The following JAG1 variants were observed in gnomAD, a reference collection of about 807,000 sequenced individuals.
The protein encoded by JAG1 is jagged canonical Notch ligand 1.
Under a neutral mutation model 148.7 loss-of-function variants are expected in JAG1, and 23 were observed. That is an observed-to-expected ratio of 0.15 (90% CI 0.11 to 0.22). The LOEUF (loss-of-function observed/expected upper bound fraction) is 0.22, where lower values mean the gene tolerates loss of function less well. JAG1 is among the 10% of genes least tolerant of loss of function. The pLI, the probability that JAG1 is intolerant of heterozygous loss-of-function variation, is 1.00. For missense variants in JAG1, 1,054 were observed against 1,611.2 expected (o/e 0.65, Z 5.92); for synonymous variants, 572 against 598.3 (o/e 0.96, Z 0.64).
chr20:10,671,816 G>A (rs1278398681), intron 2 of JAG1, among the ~76,000 whole-genome samples: 1 of 152,178 alleles, frequency 6.6e-6, no homozygotes, highest in African/African-American at 2.4e-5. Flanking sequence ...CTGCCAGCTG[G>A]GCCCGGGCCT....
At chr20:10,658,858 GT>G in intron 3 of JAG1, 136 bp from the exon 4 acceptor site, 1 of 924,322 alleles carries the variant, frequency 1.1e-6, no homozygotes, top group Non-Finnish European at 1.7e-6. Flanking sequence ...GAAATGAAAA[GT>G]TTATGCCCCT....
At chr20:10,644,139 A>T (rs1013781677) in intron 19 of JAG1, among the ~76,000 whole-genome samples, 1 of 152,192 alleles carries the variant, frequency 6.6e-6, no homozygotes, top group Non-Finnish European at 1.5e-5. Context: ...ATGAGGACAC[A>T]ACCTGGCTAA....
At chr20:10,668,739 C>G (rs1006220160) in intron 2 of JAG1, among the ~76,000 whole-genome samples, 1 of 151,916 alleles carries the variant, frequency 6.6e-6, no homozygotes, top group African/African-American at 2.4e-5. Flanking sequence ...AAAAGGTCCC[C>G]AAAGGCACCA....
intron 2 of JAG1, among the ~76,000 whole-genome samples, chr20:10,667,660 C>T (rs1175627746): frequency 6.6e-6 from 1 of 152,032 alleles, no homozygotes; most frequent in Admixed American, 6.5e-5. Context: ...CTTGACATGT[C>T]AATAGAGTCC....
chr20:10,659,129 T>G (rs146806417), intron 3 of JAG1, among the ~76,000 whole-genome samples: 150 of 152,328 alleles, frequency 9.8e-4, no homozygotes, highest in African/African-American at 3.4e-3. Context: ...CTGTCCACAG[T>G]CTCAAACTAC....
chr20:10,648,730 AGG>A lies in JAG1; in HGVS notation c.1396-10_1396-9del. The stretch of plus-strand genomic sequence containing the variant: ...ATAACCATTAACCAAATCCTAGAAG[AGG>A]AGAAGGGGAGAGAGAGACACATGCT... On this transcript the variant is annotated splice_polypyrimidine_tract_variant and intron_variant, in intron 11 of 25. Transcript: ENST00000254958. 1 of 1,613,842 alleles carries A rather than the reference AGG, an allele frequency of 6.2e-7. No individual in the cohort carries two copies. Among genetic ancestry groups the A allele is most frequent in the Non-Finnish European group, 8.5e-7 (1 of 1,179,690 alleles).
chr20:10,645,340 G>T lies in JAG1; in HGVS notation c.2113+16C>A, dbSNP rs2067301201. On this transcript the variant is annotated intron_variant, in intron 16 of 25. Coordinates refer to ENST00000254958, the MANE Select transcript of JAG1 (RefSeq NM_000214.3). This position sits in a 1 kb window ranked among gnomAD's most constrained non-coding sequence, Gnocchi z 6.1. Reference sequence around the variant, plus strand: ...AAGGGTCCCAGAGATAGCATCCAAGGCCAACTACCACTTACGTGAGTGGCA... The same window carrying T: ...AAGGGTCCCAGAGATAGCATCCAAGTCCAACTACCACTTACGTGAGTGGCA... 4 of 1,609,090 alleles carry T rather than the reference G, an allele frequency of 2.5e-6. No homozygotes were observed. Among genetic ancestry groups the T allele is most frequent in the Middle Eastern group, 1.7e-4 (1 of 6,058 alleles).
In JAG1 at chr20:10,646,393, A is replaced by C. The variant is rs1349823889; in HGVS notation, c.1886-309T>G. 6 of 413,298 alleles carry C rather than the reference A, an allele frequency of 1.5e-5. No homozygotes were observed. In the East Asian group the frequency reaches 2.8e-4, roughly 19 times the overall value. 25.6% of individuals were successfully genotyped at this position (413,298 alleles called of 1,614,324 possible). ...AACATTCCAGAATGTTCCAACATAG[A>C]TATGGAGGCTCCGAGGCAGAGTGAT... On this transcript the variant is annotated intron_variant, in intron 14 of 25. Coordinates refer to ENST00000254958, the MANE Select transcript of JAG1 (RefSeq NM_000214.3).
In JAG1 at chr20:10,647,046, T is replaced by C; in HGVS notation, c.1778A>G (p.Tyr593Cys). 1 of 1,614,198 alleles carries C rather than the reference T, an allele frequency of 6.2e-7. No homozygotes were observed. ...AGGACCACAGACGTTGGAGGAAATA[T>C]ACCGCACCCCTTCAGGTGTGTCGTT... is the stretch of plus-strand genomic sequence containing the variant. ...ASNDTPEGVR[Y>C]ISSNVCGPHG... Residue 593 changes from tyrosine to cysteine, a missense_variant, in exon 14 of 26, where the codon TAT becomes TGT. Transcript: ENST00000254958.
chr20:10,671,092 C>T (rs543922942), intron 2 of JAG1, among the ~76,000 whole-genome samples: 2 of 152,258 alleles, frequency 1.3e-5, no homozygotes, highest in South Asian at 4.1e-4. Flanking sequence ...TTGTGAAAAG[C>T]GAGGGGCTCC....
At chr20:10,665,935 A>G (rs1352333295) in intron 2 of JAG1, among the ~76,000 whole-genome samples, 1 of 152,180 alleles carries the variant, frequency 6.6e-6, no homozygotes, top group Non-Finnish European at 1.5e-5. Context: ...AGAACTGGGA[A>G]AACCTCAGAA....
rs140136358 is a variant in JAG1, at chr20:10,639,256, G to A, written c.*242C>T. The A allele has an allele frequency of 5.4e-6, 3 of 551,588 alleles. No homozygotes were observed. Among genetic ancestry groups the A allele is most frequent in the Admixed American group, 2.7e-5 (1 of 36,704 alleles). 34.2% of individuals were successfully genotyped at this position (551,588 alleles called of 1,614,324 possible). A position where few individuals can be genotyped will look rare whatever the true frequency, so the allele number is the denominator to read the frequency against. ...TGGGAGCCTGATCCGAGACCGTGTC[G>A]GCTGCAAGGGGACACACAACCAGGG... On this transcript the variant is annotated 3_prime_UTR_variant, in exon 26 of 26. Transcript: ENST00000254958.
chr20:10,662,956 C>T lies in JAG1; in HGVS notation c.439+1007G>A, dbSNP rs2067427189. Reference sequence around the variant, plus strand: ...GCTCCAAGTAGCCCAATAAGCCAGCCACAGGTGGAAGCTGCCCACGTAGCA... The same window carrying T: ...GCTCCAAGTAGCCCAATAAGCCAGCTACAGGTGGAAGCTGCCCACGTAGCA... On this transcript the variant is annotated intron_variant, in intron 3 of 25. Coordinates refer to ENST00000254958, the MANE Select transcript of JAG1 (RefSeq NM_000214.3). Among the ~76,000 whole-genome samples, 4 of 152,316 alleles carry T rather than the reference C, an allele frequency of 2.6e-5. No homozygotes were observed. In the South Asian group the frequency reaches 8.3e-4, roughly 32 times the overall value.
At chr20:10,658,382 G>C (rs973890568) in intron 4 of JAG1, 86 bp downstream of exon 4, 5 of 1,559,856 alleles carry the variant, frequency 3.2e-6, no homozygotes, top group Middle Eastern at 1.7e-4. Context: ...ACCTGAGATA[G>C]CCGCATGCCA....
intron 19 of JAG1, 137 bp downstream of exon 19, chr20:10,644,220 C>G: frequency 1.3e-6 from 1 of 792,710 alleles, no homozygotes; most frequent in African/African-American, 1.7e-5. Flanking sequence ...TCTGAGGCCC[C>G]ACCCCAGACC....
Position 10,658,457 on chromosome 20 carries a change from C to A in JAG1, c.694+11G>T. The A allele has an allele frequency of 6.2e-7, 1 of 1,613,660 alleles. No individual in the cohort carries two copies. The highest frequency in any genetic ancestry group is 8.5e-7 in the Non-Finnish European group (1 of 1,180,040). ...ACAGGCACACGTGCACATGCACACA[C>A]ACACACATACCTCTGTTACATTCGG... On this transcript the variant is annotated intron_variant, in intron 4 of 25. Transcript: ENST00000254958.
intron 5 of JAG1, among the ~76,000 whole-genome samples, chr20:10,655,616 A>C (rs1000251336): frequency 1.3e-5 from 2 of 152,194 alleles, no homozygotes; most frequent in African/African-American, 4.8e-5. Flanking sequence ...TTGGGGGCAA[A>C]AGTGACAGGC....
At chr20:10,667,905 TCA>T (rs1471234220) in intron 2 of JAG1, among the ~76,000 whole-genome samples, 1 of 152,108 alleles carries the variant, frequency 6.6e-6, no homozygotes, top group African/African-American at 2.4e-5. Flanking sequence ...ACGGTCTGGT[TCA>T]CACAGAGCAA....
chr20:10,659,559 C>CTTTT lies in JAG1; in HGVS notation c.440-841_440-838dup, dbSNP rs35826283. On this transcript the variant is annotated intron_variant, in intron 3 of 25. Coordinates refer to ENST00000254958, the MANE Select transcript of JAG1 (RefSeq NM_000214.3). The stretch of plus-strand genomic sequence containing the variant: ...GGAAGCCAAGGAGACGATTAAGTTA[C>CTTTT]TTTTTTTTTTTTTTTTTTTTTTTTT... 6.9e-3 allele frequency among the ~76,000 whole-genome samples: 729 copies of CTTTT among 105,144 alleles called. 128 individuals carry two copies. Among genetic ancestry groups the CTTTT allele is most frequent in the East Asian group, 0.056 (179 of 3,192 alleles). 69.0% of individuals were successfully genotyped at this position (105,144 alleles called of 152,430 possible). A position where few individuals can be genotyped will look rare whatever the true frequency, so the allele number is the denominator to read the frequency against.
Sources: gnomAD v4.1 joint callset for allele counts (sites outside exome capture counted in the v4.1 genomes callset) on GRCh38, gnomAD v4.1.1 for gene constraint, Gnocchi (gnomAD v3.1) non-coding constraint, MANE v1.5 for transcripts, NCBI Gene and HGNC (gene_info 2026-07-23, HGNC 2026-07-21) for gene names.